CNGB3: variants seen among roughly 807,000 people sequenced by gnomAD.
The protein encoded by CNGB3 is cyclic nucleotide-gated channel beta-3.
CNGB3 carries 86 observed loss-of-function variants against 92.8 expected under a neutral mutation model. The observed-to-expected ratio is 0.93, with a 90% CI of 0.78 to 1.11. CNGB3 has a LOEUF of 1.11. CNGB3 is among the 50% of genes least tolerant of loss of function. The pLI, the probability that CNGB3 is intolerant of heterozygous loss-of-function variation, is 0.00. For synonymous variants in CNGB3, 333 were observed against 332.7 expected (o/e 1.00, Z -0.01); for missense variants, 1,026 against 956.8 (o/e 1.07, Z -0.95).
At chr8:86,583,049 C>G (rs1054806361) in intron 15 of CNGB3, among the ~76,000 whole-genome samples, 1 of 151,628 alleles carries the variant, frequency 6.6e-6, no homozygotes, top group Non-Finnish European at 1.5e-5. Flanking sequence ...TTACAGGTGT[C>G]CACCACCATG....
At chr8:86,609,187 T>G (rs562415664) in intron 14 of CNGB3, among the ~76,000 whole-genome samples, 1 of 152,362 alleles carries the variant, frequency 6.6e-6, no homozygotes, top group East Asian at 1.9e-4. Context: ...AAATTTGCAC[T>G]GCTTAGGGGC....
At chr8:86,581,083 AGAGCCTGG>A (rs1206350759) in intron 15 of CNGB3, among the ~76,000 whole-genome samples, 4 of 152,224 alleles carry the variant, frequency 2.6e-5, no homozygotes, top group Non-Finnish European at 5.9e-5. Flanking sequence ...TGACAGGTTA[AGAGCCTGG>A]AAATCATTAC....
chr8:86,739,486 TGA>T lies in CNGB3; in HGVS notation c.211+167_211+168del, dbSNP rs1825303280. On this transcript the variant is annotated intron_variant, in intron 2 of 17. Transcript: ENST00000320005. ...TCTATTGCATGGACAAATGAGTTAC[TGA>T]ATGAGGATATAAAGTTTTTGAAATA... Among the ~76,000 whole-genome samples the T allele has an allele frequency of 2.0e-5, 3 of 152,226 alleles. No individual in the cohort carries two copies. In the South Asian group the frequency reaches 6.2e-4, roughly 32 times the overall value.
chr8:86,603,139 G>T (rs1161802305), intron 15 of CNGB3, among the ~76,000 whole-genome samples: 2 of 152,108 alleles, frequency 1.3e-5, no homozygotes, highest in Non-Finnish European at 2.9e-5. Flanking sequence ...TCTAAGTTGT[G>T]TCCTGTTACT....
chr8:86,697,986 G>T (rs1824482234), intron 3 of CNGB3, among the ~76,000 whole-genome samples: 1 of 152,098 alleles, frequency 6.6e-6, no homozygotes, highest in South Asian at 2.1e-4. Flanking sequence ...CTTTTTTATG[G>T]CTGTATAGTA....
Position 86,644,561 on chromosome 8 carries a change from G to A in CNGB3, c.1055+61C>T, listed in dbSNP as rs16916375. ...GGGGGTCATATCCCTGCCAAATTCC[G>A]TCTAAAATGTTGTACCATTGCTTTT... On this transcript the variant is annotated intron_variant, in intron 9 of 17. Coordinates refer to ENST00000320005, the MANE Select transcript of CNGB3 (RefSeq NM_019098.5). 4,184 of 1,576,312 alleles carry A rather than the reference G, an allele frequency of 2.7e-3. 51 individuals are homozygous for A. The African/African-American group carries it at 0.034, about 13-fold the overall frequency.
At chr8:86,697,854 A>G (rs911691988) in intron 3 of CNGB3, among the ~76,000 whole-genome samples, 5 of 141,170 alleles carry the variant, frequency 3.5e-5, no homozygotes, top group African/African-American at 1.3e-4. Flanking sequence ...TAGTGTTCTC[A>G]TTGTTCAGTT....
intron 13 of CNGB3, among the ~76,000 whole-genome samples, chr8:86,621,908 C>T (rs1008988477): frequency 1.3e-5 from 2 of 152,082 alleles, no homozygotes; most frequent in Admixed American, 6.6e-5. Flanking sequence ...GCTAAAAATA[C>T]AAAAATTAGC....
chr8:86,692,196 G>T (rs1253032808), intron 3 of CNGB3, among the ~76,000 whole-genome samples: 1 of 152,074 alleles, frequency 6.6e-6, no homozygotes, highest in Non-Finnish European at 1.5e-5. Context: ...AGAATGTATA[G>T]TCTGCAGTTA....
chr8:86,651,071 C>T (rs1322115352), intron 7 of CNGB3, among the ~76,000 whole-genome samples: 5 of 151,648 alleles, frequency 3.3e-5, no homozygotes, highest in Admixed American at 6.6e-5. Flanking sequence ...GAAAACCAAA[C>T]ACTATACGTT....
intron 10 of CNGB3, among the ~76,000 whole-genome samples, chr8:86,641,145 A>G (rs535686317): frequency 6.6e-6 from 1 of 152,100 alleles, no homozygotes; most frequent in South Asian, 2.1e-4. Flanking sequence ...ATGCTAAAAG[A>G]CACTCCCACC....
chr8:86,666,069 G>A (rs1823734853), intron 6 of CNGB3, among the ~76,000 whole-genome samples: 1 of 152,164 alleles, frequency 6.6e-6, no homozygotes, highest in Admixed American at 6.5e-5. Flanking sequence ...TTACAGCCTA[G>A]TACTTTCTCA....
At chr8:86,598,803 G>A (rs117363826) in intron 15 of CNGB3, among the ~76,000 whole-genome samples, 3,437 of 152,036 alleles carry the variant, frequency 0.023, 47 homozygotes, top group Non-Finnish European at 0.035. Flanking sequence ...TTGGACTTGG[G>A]GCCCTTCAAG....
chr8:86,660,308 TG>T, intron 6 of CNGB3: 1 of 327,438 alleles, frequency 3.1e-6, no homozygotes, highest in East Asian at 7.8e-5. Flanking sequence ...GGGTGGGAGG[TG>T]GGGTTGGGGC....
intron 3 of CNGB3, among the ~76,000 whole-genome samples, chr8:86,693,386 A>T (rs920790192): frequency 8.6e-5 from 13 of 151,082 alleles, no homozygotes; most frequent in African/African-American, 2.7e-4. Flanking sequence ...GTTTAATGTA[A>T]TCTCAAATTT....
intron 8 of CNGB3, among the ~76,000 whole-genome samples, chr8:86,646,054 A>G (rs1432968875): frequency 6.6e-6 from 1 of 151,114 alleles, no homozygotes. Context: ...ATTTTAGGTT[A>G]CAGAGATGGG....
rs35010099 is a variant in CNGB3 at position 86,629,002 on chromosome 8, A to T, written c.1397T>A (p.Met466Lys). Residue 466 changes from methionine to lysine, a missense_variant, in exon 12 of 18, where the codon ATG becomes AAG. Transcript: ENST00000320005. Reference sequence around the variant, plus strand: ...AAGTTTAGGAATGGAGTAATTGTTCATGTAGGCAATGGTGTCATCCATGCA... The same window carrying T: ...AAGTTTAGGAATGGAGTAATTGTTCTTGTAGGCAATGGTGTCATCCATGCA... ...RACMDDTIAYMNNYSIPKLVQ... is the reference protein window; with the variant it reads ...RACMDDTIAYKNNYSIPKLVQ... 3.7e-6 allele frequency: 6 copies of T among 1,613,930 alleles called. No homozygotes were observed. Among genetic ancestry groups the T allele is most frequent in the Non-Finnish European group, 5.1e-6 (6 of 1,179,974 alleles).
intron 4 of CNGB3, among the ~76,000 whole-genome samples, chr8:86,668,655 AAC>A (rs1194346279): frequency 6.6e-6 from 1 of 150,822 alleles, no homozygotes; most frequent in East Asian, 1.9e-4. Context: ...TTAAAGGAAA[AAC>A]AATTTTTAAA....
chr8:86,589,467 C>T (rs867893300), intron 15 of CNGB3, among the ~76,000 whole-genome samples: 2,983 of 150,940 alleles, frequency 0.02, 94 homozygotes, highest in African/African-American at 0.068. Context: ...CTTTCTCTTG[C>T]GGGCATTTAG....
Sources: gnomAD v4.1 joint callset for allele counts (sites outside exome capture counted in the v4.1 genomes callset) on GRCh38, gnomAD v4.1.1 for gene constraint, MANE v1.5 for transcripts, NCBI Gene and HGNC (gene_info 2026-07-23, HGNC 2026-07-21) for gene names.